The following ANKHD1 variants were observed in gnomAD, a reference collection of about 807,000 sequenced individuals.
The protein encoded by ANKHD1 is ankyrin repeat and KH domain-containing protein 1.
ANKHD1 carries 31 observed loss-of-function variants against 230.5 expected under a neutral mutation model. The ratio of observed to expected loss-of-function variants is 0.13; its 90% confidence interval spans 0.10 to 0.18. The LOEUF (loss-of-function observed/expected upper bound fraction) is 0.18. ANKHD1 is among the 10% of genes least tolerant of loss of function. The pLI, the probability that ANKHD1 is intolerant of heterozygous loss-of-function variation, is 1.00. For missense variants in ANKHD1, 2,256 were observed against 3,071.3 expected (o/e 0.73, Z 6.27); for synonymous variants, 1,074 against 1,117.6 (o/e 0.96, Z 0.78).
At chr5:140,519,987 A>G (rs994562079) in intron 24 of ANKHD1, among the ~76,000 whole-genome samples, 10 of 152,010 alleles carry the variant, frequency 6.6e-5, no homozygotes, top group Admixed American at 3.3e-4. Context: ...CAGAGTGAAC[A>G]GGCAACCTAC....
intron 22 of ANKHD1, among the ~76,000 whole-genome samples, chr5:140,511,821 T>C (rs763664679): frequency 3.7e-4 from 57 of 152,254 alleles, no homozygotes; most frequent in Admixed American, 3.1e-3. Context: ...TTGCCCACTT[T>C]TAGTCACTTC....
intron 1 of ANKHD1, among the ~76,000 whole-genome samples, chr5:140,405,906 T>G (rs1043146833): frequency 5.3e-4 from 80 of 152,024 alleles, no homozygotes; most frequent in African/African-American, 1.9e-3. Context: ...GTGTTGGGAT[T>G]ACAGGTGTGA....
intron 1 of ANKHD1, among the ~76,000 whole-genome samples, chr5:140,414,536 G>T (rs1771196994): frequency 6.6e-6 from 1 of 152,058 alleles, no homozygotes; most frequent in Non-Finnish European, 1.5e-5. Flanking sequence ...CATTTAAAAA[G>T]AAATTGTATT....
At chr5:140,433,061 C>A (rs920007923) in intron 1 of ANKHD1, among the ~76,000 whole-genome samples, 10 of 151,082 alleles carry the variant, frequency 6.6e-5, no homozygotes, top group Non-Finnish European at 1.5e-4. Context: ...CCTTCCCCCC[C>A]CCAAAAAAAA....
At position 140,401,857 on chromosome 5, in the gene ANKHD1, G is replaced by C; in HGVS notation, c.-111G>C. The C allele has an allele frequency of 7.1e-7, 1 of 1,412,738 alleles. No individual in the cohort carries two copies. Among genetic ancestry groups the C allele is most frequent in the African/African-American group, 1.5e-5 (1 of 65,962 alleles). The allele number at this position is 1,412,738 out of a possible 1,614,324, so 87.5% of individuals were successfully genotyped here. ...CAGTGAGAAGTTAGTGGCGCTGCTG[G>C]GACGGGGGAAAGGAGACGCTTCTTC... On this transcript the variant is annotated 5_prime_UTR_variant, in exon 1 of 34. Transcript: ENST00000360839.
intron 22 of ANKHD1, among the ~76,000 whole-genome samples, chr5:140,512,445 C>T (rs1752812805): frequency 1.3e-5 from 2 of 152,108 alleles, no homozygotes. Context: ...TTCCCTTTTA[C>T]ACTGAGGTTC....
chr5:140,472,982 A>G (rs1467481009), intron 10 of ANKHD1, among the ~76,000 whole-genome samples: 2 of 151,764 alleles, frequency 1.3e-5, no homozygotes, highest in Non-Finnish European at 2.9e-5. Context: ...AAAATTATTA[A>G]TGAATTGTGA....
chr5:140,479,711 TC>T (rs1274789159), intron 10 of ANKHD1, among the ~76,000 whole-genome samples: 1 of 141,318 alleles, frequency 7.1e-6, no homozygotes, highest in Non-Finnish European at 1.5e-5. Context: ...ATACATTGAT[TC>T]CCATTATATA....
intron 7 of ANKHD1, among the ~76,000 whole-genome samples, chr5:140,452,252 C>A (rs944644517): frequency 2.6e-5 from 4 of 152,226 alleles, no homozygotes; most frequent in Non-Finnish European, 5.9e-5. Context: ...CCCACTGCTG[C>A]TCAAGGAGGC....
chr5:140,521,494 A>G (rs1753347526), intron 24 of ANKHD1, among the ~76,000 whole-genome samples: 1 of 152,150 alleles, frequency 6.6e-6, no homozygotes, highest in South Asian at 2.1e-4. Flanking sequence ...ATTAAAATAA[A>G]TTCTATAAAT....
At chr5:140,509,560 A>G in intron 20 of ANKHD1, 77 bp from the exon 21 acceptor site, 3 of 1,407,036 alleles carry the variant, frequency 2.1e-6, no homozygotes, top group Non-Finnish European at 1.9e-6. Context: ...TAAAGAAATT[A>G]TGTAGCTTAG....
chr5:140,536,027 A>G (rs900153320), intron 30 of ANKHD1: 1 of 152,088 alleles, frequency 6.6e-6, no homozygotes, highest in African/African-American at 2.4e-5. Context: ...GTGATTTCTC[A>G]TGTATTTTTA....
chr5:140,440,090 G>T, intron 3 of ANKHD1, 29 bp from the exon 4 acceptor site: 2 of 1,529,772 alleles, frequency 1.3e-6, no homozygotes, highest in African/African-American at 1.4e-5. Flanking sequence ...TTTTTGTTTC[G>T]GTTAATTGTT....
intron 24 of ANKHD1, among the ~76,000 whole-genome samples, chr5:140,523,648 T>C (rs145314947): frequency 0.021 from 3,146 of 151,690 alleles, 113 homozygotes; most frequent in African/African-American, 0.072. Context: ...GCAACCTCTG[T>C]CTCCCAGGTT....
chr5:140,461,236 A>G (rs951882209), intron 9 of ANKHD1, among the ~76,000 whole-genome samples: 1 of 152,206 alleles, frequency 6.6e-6, no homozygotes, highest in Admixed American at 6.5e-5. Context: ...GTCGAAGGTA[A>G]CCAAGCTAAT....
At chr5:140,505,618 T>A in intron 17 of ANKHD1, 106 bp from the exon 18 acceptor site, 2 of 1,443,454 alleles carry the variant, frequency 1.4e-6, no homozygotes, top group Non-Finnish European at 1.8e-6. Context: ...TATCAGTGTC[T>A]GCCCTGAAGG....
intron 25 of ANKHD1, among the ~76,000 whole-genome samples, chr5:140,525,370 C>T (rs764491729): frequency 1.3e-5 from 2 of 151,852 alleles, no homozygotes; most frequent in African/African-American, 2.4e-5. Context: ...TCAGGTGATC[C>T]GCCCACCCCA....
At chr5:140,448,028 A>G (rs1774425958) in intron 6 of ANKHD1, among the ~76,000 whole-genome samples, 1 of 152,072 alleles carries the variant, frequency 6.6e-6, no homozygotes, top group Admixed American at 6.6e-5. Context: ...CACACCTATA[A>G]TCCCAGCATT....
At chr5:140,537,348 T>G (rs953061649) in intron 30 of ANKHD1, 41 bp from the exon 31 acceptor site, 2 of 1,608,870 alleles carry the variant, frequency 1.2e-6, no homozygotes, top group Non-Finnish European at 1.7e-6. Flanking sequence ...GTGACTCTCC[T>G]ATTCCATCTG....
Sources: gnomAD v4.1 joint callset for allele counts (sites outside exome capture counted in the v4.1 genomes callset) on GRCh38, gnomAD v4.1.1 for gene constraint, MANE v1.5 for transcripts, NCBI Gene and HGNC (gene_info 2026-07-23, HGNC 2026-07-21) for gene names.